The following LAMB1 variants were observed in gnomAD, a reference collection of about 807,000 sequenced individuals.
LAMB1 encodes the protein laminin subunit beta-1.
In LAMB1, 121 loss-of-function variants were observed where a neutral mutation model predicts 222.3. The observed-to-expected ratio is 0.54, with a 90% CI of 0.47 to 0.63. The LOEUF (loss-of-function observed/expected upper bound fraction) is 0.63. Among genes scored for constraint, LAMB1 ranks in the 30% least tolerant of loss-of-function variants. The pLI is 0.00. For missense variants in LAMB1, 2,172 were observed against 2,240.8 expected (o/e 0.97, Z 0.62); for synonymous variants, 794 against 807.2 (o/e 0.98, Z 0.28).
At chr7:108,001,043 T>C (rs548003463) in intron 3 of LAMB1, among the ~76,000 whole-genome samples, 1 of 152,196 alleles carries the variant, frequency 6.6e-6, no homozygotes, top group South Asian at 2.1e-4. Flanking sequence ...ACCAGGGCAT[T>C]TCGTAAAAGC....
At chr7:107,976,500 G>C (rs555269598) in intron 9 of LAMB1, among the ~76,000 whole-genome samples, 1 of 152,090 alleles carries the variant, frequency 6.6e-6, no homozygotes, top group Non-Finnish European at 1.5e-5. Flanking sequence ...TAATCATCTC[G>C]CTCTCGGGCT....
intron 2 of LAMB1, chr7:108,002,320 TCCCTG>T (rs1283877459): frequency 7.6e-7 from 1 of 1,314,922 alleles, no homozygotes; most frequent in South Asian, 1.2e-5. Flanking sequence ...CCATGGACAG[TCCCTG>T]GGGCTCTGGA....
chr7:107,976,953 T>G (rs923672098), intron 9 of LAMB1, among the ~76,000 whole-genome samples: 18 of 129,518 alleles, frequency 1.4e-4, no homozygotes, highest in African/African-American at 5.6e-4. Context: ...CTCTCCCTCC[T>G]TCCTTCCTTT....
chr7:108,002,750 A>G, intron 2 of LAMB1, 99 bp downstream of exon 2: 2 of 1,527,978 alleles, frequency 1.3e-6, no homozygotes, highest in Non-Finnish European at 1.8e-6. Flanking sequence ...TCCCTCTCCC[A>G]AGCCCCCAGG....
intron 7 of LAMB1, among the ~76,000 whole-genome samples, chr7:107,982,793 T>A (rs1178179466): frequency 2.6e-5 from 4 of 152,160 alleles, no homozygotes; most frequent in African/African-American, 9.7e-5. Flanking sequence ...GTCTCAACAA[T>A]AGACAACTAA....
At chr7:107,990,471 CA>C in intron 5 of LAMB1, among the ~76,000 whole-genome samples, 1 of 152,358 alleles carries the variant, frequency 6.6e-6, no homozygotes, top group African/African-American at 2.4e-5. Flanking sequence ...AAAAAATCAA[CA>C]ACCTCAGTTC....
At chr7:107,987,657 C>A (rs1014469890) in intron 5 of LAMB1, among the ~76,000 whole-genome samples, 1 of 152,122 alleles carries the variant, frequency 6.6e-6, no homozygotes, top group African/African-American at 2.4e-5. Flanking sequence ...CGCACCACCA[C>A]GCCTGGCTAA....
At chr7:107,944,178 T>G (rs1222516660) in intron 24 of LAMB1, among the ~76,000 whole-genome samples, 3 of 152,252 alleles carry the variant, frequency 2.0e-5, no homozygotes, top group African/African-American at 4.8e-5. Context: ...GGATTCATGC[T>G]TGGGGCAAGG....
At chr7:107,970,669 T>A (rs918101673) in intron 13 of LAMB1, among the ~76,000 whole-genome samples, 4 of 152,218 alleles carry the variant, frequency 2.6e-5, no homozygotes, top group Admixed American at 2.6e-4. Context: ...AAACAGGTAA[T>A]CTACTAGGCA....
chr7:107,998,487 G>T lies in LAMB1; in HGVS notation c.219C>A (p.Asp73Glu), dbSNP rs200483958. ...PYCIVSHLQE[D>E]KKCFICNSQD... ...GGGAATTGCATATGAAGCATTTTTT[G>T]TCCTCCTACAAACAAAGTTGAGTTC... Residue 73 changes from aspartate to glutamate, a missense_variant, in exon 4 of 34, where the codon GAC becomes GAA. Asp to Glu is a conservative substitution (Grantham distance 45). Transcript: ENST00000222399. 6 of 1,612,886 alleles carry T rather than the reference G, an allele frequency of 3.7e-6. No individual in the cohort carries two copies. The Admixed American group carries it at 1.0e-4, about 27-fold the overall frequency.
chr7:107,964,587 A>G lies in LAMB1; in HGVS notation c.1663T>C (p.Tyr555His). Residue 555 changes from tyrosine (Y) to histidine (H), a missense_variant, in exon 14 of 34, where the codon TAC becomes CAC. By Grantham distance (83) the Tyr-to-His change is moderately conservative. Transcript: ENST00000222399. ...PGYYFATLDHYLYEAEEANLG... is the reference protein window; with the variant it reads ...PGYYFATLDHHLYEAEEANLG... ...TTGGCTTCCTCCGCTTCATAGAGGT[A>G]GTGATCCAGGGTGGCAAAGTAGTAA... The G allele has an allele frequency of 6.2e-7, 1 of 1,614,190 alleles. No homozygotes were observed.
At chr7:107,965,110 G>A in intron 13 of LAMB1, among the ~76,000 whole-genome samples, 1 of 152,176 alleles carries the variant, frequency 6.6e-6, no homozygotes, top group Non-Finnish European at 1.5e-5. Context: ...CAATCCCTCG[G>A]ATGGTCTCTA....
intron 13 of LAMB1, among the ~76,000 whole-genome samples, chr7:107,966,355 C>T (rs573931412): frequency 1.6e-4 from 24 of 151,952 alleles, no homozygotes; most frequent in East Asian, 9.8e-4. Flanking sequence ...GGACTATAGG[C>T]GACTGCCACC....
intron 13 of LAMB1, among the ~76,000 whole-genome samples, chr7:107,968,788 C>T (rs1379920209): frequency 1.3e-5 from 2 of 152,196 alleles, no homozygotes; most frequent in Admixed American, 1.3e-4. Flanking sequence ...GAAACAGATT[C>T]TCCTTTAGAG....
intron 8 of LAMB1, 130 bp from the exon 9 acceptor site, chr7:107,978,297 T>C (rs2033908156): frequency 5.7e-6 from 6 of 1,059,738 alleles, no homozygotes; most frequent in Admixed American, 2.3e-5. Context: ...AAGGGTTGTT[T>C]GGTTGTTTTT....
At chr7:107,961,084 CAAGA>C in intron 17 of LAMB1, 118 bp downstream of exon 17, 5 of 1,093,506 alleles carry the variant, frequency 4.6e-6, no homozygotes, top group Non-Finnish European at 6.6e-6. Flanking sequence ...ACCGTGGAGG[CAAGA>C]AAGAATGATT....
At chr7:107,929,019 A>G (rs377340565) in intron 31 of LAMB1, 45 bp downstream of exon 31, 12 of 1,573,674 alleles carry the variant, frequency 7.6e-6, no homozygotes, top group Non-Finnish European at 9.6e-6. Context: ...TGGTAAGTGT[A>G]TATGTAGGTG....
At chr7:107,961,718 A>G (rs1452626604) in intron 15 of LAMB1, 42 bp from the exon 16 acceptor site, 1 of 1,590,486 alleles carries the variant, frequency 6.3e-7, no homozygotes, top group South Asian at 1.1e-5. Flanking sequence ...TTAGCCCACC[A>G]CTGCCTGTTT....
intron 12 of LAMB1, among the ~76,000 whole-genome samples, chr7:107,974,072 T>C (rs2033804554): frequency 6.6e-6 from 1 of 152,168 alleles, no homozygotes; most frequent in Non-Finnish European, 1.5e-5. Flanking sequence ...TCATCACACC[T>C]GACCAGGCTC....
Sources: allele counts gnomAD v4.1 joint callset (sites outside exome capture counted in the v4.1 genomes callset), GRCh38; gene constraint gnomAD v4.1.1; transcripts MANE v1.5; gene names NCBI Gene and HGNC (gene_info 2026-07-23, HGNC 2026-07-21).